TLK1: variants seen among roughly 807,000 people sequenced by gnomAD.
TLK1 encodes the protein serine/threonine-protein kinase tousled-like 1.
In TLK1, 24 loss-of-function variants were observed where a neutral mutation model predicts 105.3. That is an observed-to-expected ratio of 0.23 (90% CI 0.17 to 0.32). TLK1 has a LOEUF of 0.32. Ranked by LOEUF, TLK1 falls within the 10% of genes least tolerant of loss-of-function variation. The pLI is 1.00. For synonymous variants in TLK1, 321 were observed against 310.4 expected, an observed-to-expected ratio of 1.03 and a Z score of -0.36; for missense variants, 558 against 910.5, an observed-to-expected ratio of 0.61 and a Z score of 4.98.
intron 1 of TLK1, among the ~76,000 whole-genome samples, chr2:171,159,337 C>T (rs905405392): frequency 6.6e-6 from 1 of 152,200 alleles, no homozygotes; most frequent in Admixed American, 6.5e-5. Flanking sequence ...ATTCATTCCC[C>T]ATAAATGTGT....
intron 1 of TLK1, among the ~76,000 whole-genome samples, chr2:171,127,909 A>T (rs1690937497): frequency 6.6e-6 from 1 of 152,136 alleles, no homozygotes; most frequent in Admixed American, 6.5e-5. Context: ...ACACACATAA[A>T]CACAGACACA....
intron 2 of TLK1, among the ~76,000 whole-genome samples, chr2:171,108,000 T>C (rs1440523607): frequency 6.6e-6 from 1 of 150,846 alleles, no homozygotes; most frequent in East Asian, 1.9e-4. Context: ...GAGGCTGCAG[T>C]GAGCCGAGAT....
intron 1 of TLK1, among the ~76,000 whole-genome samples, chr2:171,127,680 G>GAT (rs1690926635): frequency 6.6e-6 from 1 of 151,666 alleles, no homozygotes; most frequent in South Asian, 2.1e-4. Context: ...ATTATATATA[G>GAT]ATATATATCT....
At chr2:171,103,313 C>A (rs1689776334) in intron 2 of TLK1, among the ~76,000 whole-genome samples, 1 of 141,806 alleles carries the variant, frequency 7.1e-6, no homozygotes, top group Non-Finnish European at 1.5e-5. Flanking sequence ...CACACTCTGT[C>A]ACTGAGGCTG....
chr2:171,129,636 C>A (rs568217689), intron 1 of TLK1, among the ~76,000 whole-genome samples: 1 of 151,898 alleles, frequency 6.6e-6, no homozygotes, highest in Non-Finnish European at 1.5e-5. Flanking sequence ...CCCAGGAGTT[C>A]GAGACCAGCC....
chr2:171,093,711 T>C (rs1410403222), intron 2 of TLK1, among the ~76,000 whole-genome samples: 1 of 151,596 alleles, frequency 6.6e-6, no homozygotes, highest in Non-Finnish European at 1.5e-5. Context: ...TTAAGAAGGC[T>C]AGGAGAATCA....
chr2:171,001,652 C>G (rs1470729424), intron 18 of TLK1, among the ~76,000 whole-genome samples: 2 of 152,222 alleles, frequency 1.3e-5, no homozygotes, highest in African/African-American at 4.8e-5. Flanking sequence ...CTGGTGCTCA[C>G]TTCTCTTCCT....
At chr2:171,145,305 A>G (rs1443721908) in intron 1 of TLK1, among the ~76,000 whole-genome samples, 1 of 150,802 alleles carries the variant, frequency 6.6e-6, no homozygotes, top group Non-Finnish European at 1.5e-5. Flanking sequence ...AAACAAACAA[A>G]AAAAGGCCGG....
At chr2:171,120,049 C>T (rs1052603465) in intron 1 of TLK1, among the ~76,000 whole-genome samples, 1 of 151,992 alleles carries the variant, frequency 6.6e-6, no homozygotes, top group Admixed American at 6.6e-5. Flanking sequence ...CAGTTCGAGA[C>T]TAGCCTGGCC....
chr2:171,057,266 T>A (rs1394519621), intron 5 of TLK1, among the ~76,000 whole-genome samples: 1 of 152,062 alleles, frequency 6.6e-6, no homozygotes. Flanking sequence ...TTTCATCATT[T>A]CTTGTTTAAT....
chr2:171,033,872 G>C (rs1194889663), intron 11 of TLK1, among the ~76,000 whole-genome samples: 1 of 148,602 alleles, frequency 6.7e-6, no homozygotes, highest in Non-Finnish European at 1.5e-5. Flanking sequence ...ATATGTTAAG[G>C]GTTTAGTATC....
chr2:171,056,399 A>G (rs1687501858), intron 6 of TLK1, 72 bp downstream of exon 6: 9 of 1,255,952 alleles, frequency 7.2e-6, no homozygotes, highest in Non-Finnish European at 9.0e-6. Context: ...AAAAAACAAC[A>G]AATTATAAAA....
intron 1 of TLK1, among the ~76,000 whole-genome samples, chr2:171,197,358 C>T (rs2105318085): frequency 6.6e-6 from 1 of 151,976 alleles, no homozygotes; most frequent in South Asian, 2.1e-4. Context: ...TAGCTTTTTA[C>T]AAAAAAACCC....
At chr2:171,025,344 A>G (rs548668897) in intron 12 of TLK1, among the ~76,000 whole-genome samples, 1 of 152,350 alleles carries the variant, frequency 6.6e-6, no homozygotes, top group East Asian at 1.9e-4. Context: ...AGGTCTTTCT[A>G]TTCTCCTATG....
chr2:171,169,580 T>G (rs1692687038), intron 1 of TLK1, among the ~76,000 whole-genome samples: 1 of 152,192 alleles, frequency 6.6e-6, no homozygotes, highest in African/African-American at 2.4e-5. Flanking sequence ...CAGTTGAAAA[T>G]ATACCAAAGT....
upstream of TLK1, among the ~76,000 whole-genome samples, chr2:171,162,235 C>A (rs1442429206): frequency 6.6e-6 from 1 of 152,182 alleles, no homozygotes; most frequent in Non-Finnish European, 1.5e-5. Context: ...ATAAACTGCA[C>A]ATATTTAAAG....
In TLK1 at chr2:171,083,544, T is replaced by C. The variant is rs544676837; in HGVS notation, c.259-692A>G. On this transcript the variant is annotated intron_variant, in intron 2 of 20. Transcript: ENST00000431350. ...TTTGTACCATCAGTACATCAGATCA[T>C]AGTCTTCCAGAAATGCTTAGACCAG... Among the ~76,000 whole-genome samples, 4 of 152,266 alleles carry C rather than the reference T, an allele frequency of 2.6e-5. No homozygotes were observed. The East Asian group carries it at 5.8e-4, about 22-fold the overall frequency.
At chr2:171,042,245 T>G (rs1020036060) in intron 11 of TLK1, among the ~76,000 whole-genome samples, 2 of 151,898 alleles carry the variant, frequency 1.3e-5, no homozygotes, top group East Asian at 1.9e-4. Flanking sequence ...ATCAAATGTG[T>G]TTTTTTTATT....
intron 6 of TLK1, among the ~76,000 whole-genome samples, chr2:171,055,649 T>C (rs1687466632): frequency 6.6e-6 from 1 of 152,072 alleles, no homozygotes; most frequent in African/African-American, 2.4e-5. Flanking sequence ...AAGCAGATTA[T>C]AACATTGTAT....
Sources: allele counts gnomAD v4.1 joint callset (sites outside exome capture counted in the v4.1 genomes callset), GRCh38; gene constraint gnomAD v4.1.1; transcripts MANE v1.5; gene names NCBI Gene and HGNC (gene_info 2026-07-23, HGNC 2026-07-21).